Variants in DLC1 observed in about 807,000 individuals in gnomAD.
The protein encoded by DLC1 is DLC1 Rho GTPase activating protein, also known as rho GTPase-activating protein 7.
In DLC1, 54 loss-of-function variants were observed where a neutral mutation model predicts 140.3. The ratio of observed to expected loss-of-function variants is 0.38; its 90% confidence interval spans 0.31 to 0.48. The LOEUF (loss-of-function observed/expected upper bound fraction) is 0.48. Among genes scored for constraint, DLC1 ranks in the 20% least tolerant of loss-of-function variants. The pLI is 0.96. For missense variants in DLC1, 2,536 were observed against 1,907.0 expected (o/e 1.33, Z -6.14); for synonymous variants, 986 against 728.1 (o/e 1.35, Z -5.70).
chr8:13,383,801 AAT>A (rs1836381848), intron 4 of DLC1, among the ~76,000 whole-genome samples: 1 of 152,212 alleles, frequency 6.6e-6, no homozygotes, highest in African/African-American at 2.4e-5. Flanking sequence ...TTCGAACACC[AAT>A]ATTTCAGCCA....
chr8:13,521,540 G>C (rs980262756), intron 1 of DLC1, among the ~76,000 whole-genome samples: 1 of 152,120 alleles, frequency 6.6e-6, no homozygotes, highest in Non-Finnish European at 1.5e-5. Flanking sequence ...AGGTGCAACT[G>C]CCTGTCTTCA....
chr8:13,237,318 C>T (rs1296762454), intron 5 of DLC1, among the ~76,000 whole-genome samples: 1 of 145,448 alleles, frequency 6.9e-6, no homozygotes, highest in Non-Finnish European at 1.5e-5. Context: ...ACATATATAT[C>T]AGCTTCTGTG....
At chr8:13,562,619 A>G (rs551559099) in intron 1 of DLC1, among the ~76,000 whole-genome samples, 1 of 152,320 alleles carries the variant, frequency 6.6e-6, no homozygotes, top group African/African-American at 2.4e-5. Flanking sequence ...CATTGCTGGC[A>G]GAAATGTCAT....
intron 5 of DLC1, among the ~76,000 whole-genome samples, chr8:13,209,699 A>T (rs1481277516): frequency 6.6e-6 from 1 of 151,926 alleles, no homozygotes. Context: ...TTCTTATGAG[A>T]TCTGGCCGAT....
chr8:13,557,032 AG>A (rs754231891), intron 1 of DLC1, among the ~76,000 whole-genome samples: 2 of 152,140 alleles, frequency 1.3e-5, no homozygotes, highest in African/African-American at 2.4e-5. Flanking sequence ...ATGCATATTC[AG>A]GGGTCTGAAG....
chr8:13,437,402 T>A (rs182944771), intron 2 of DLC1, among the ~76,000 whole-genome samples: 59 of 152,358 alleles, frequency 3.9e-4, no homozygotes, highest in Middle Eastern at 3.4e-3. Context: ...TGAGCATCTT[T>A]CGAAAGTCAA....
intron 1 of DLC1, chr8:13,567,633 T>A: frequency 6.4e-7 from 1 of 1,551,670 alleles, no homozygotes; most frequent in East Asian, 2.4e-5. Flanking sequence ...TGTCTGCCTT[T>A]CTGAAACAAA....
chr8:13,385,461 T>C (rs964348457), intron 4 of DLC1, among the ~76,000 whole-genome samples: 5 of 152,164 alleles, frequency 3.3e-5, no homozygotes, highest in Admixed American at 2.6e-4. Flanking sequence ...CTAAGGAGTA[T>C]AGTTGATTGA....
chr8:13,436,621 C>T (rs1372736467), intron 2 of DLC1, among the ~76,000 whole-genome samples: 1 of 152,078 alleles, frequency 6.6e-6, no homozygotes, highest in Non-Finnish European at 1.5e-5. Context: ...AGCATTTTAA[C>T]ACACAGCAAC....
At chr8:13,342,038 G>T (rs1230030161) in intron 4 of DLC1, 4 of 152,130 alleles carry the variant, frequency 2.6e-5, no homozygotes, top group African/African-American at 9.7e-5. Flanking sequence ...GATACATTTG[G>T]CCAGTGTGAA....
chr8:13,439,940 A>G (rs1798415281), intron 2 of DLC1, among the ~76,000 whole-genome samples: 1 of 152,126 alleles, frequency 6.6e-6, no homozygotes, highest in Non-Finnish European at 1.5e-5. Context: ...GCTTATCCTT[A>G]GAGCATCTTC....
At chr8:13,348,541 A>T (rs987017265) in intron 4 of DLC1, among the ~76,000 whole-genome samples, 5 of 152,222 alleles carry the variant, frequency 3.3e-5, no homozygotes, top group African/African-American at 1.2e-4. Context: ...GCTAGAGTCC[A>T]TAAGAAAGAT....
intron 5 of DLC1, among the ~76,000 whole-genome samples, chr8:13,243,290 CAAAAAAAAAAAA>C (rs56092434): frequency 1.8e-5 from 1 of 54,338 alleles, no homozygotes; most frequent in African/African-American, 7.5e-5. Flanking sequence ...GACTCTGTCT[CAAAAAAAAAAAA>C]AAAAAAAAAA....
chr8:13,321,201 A>C (rs1292261507), intron 4 of DLC1, among the ~76,000 whole-genome samples: 1 of 152,238 alleles, frequency 6.6e-6, no homozygotes, highest in East Asian at 1.9e-4. Flanking sequence ...TGTGCTAAAC[A>C]GGGAAGTAGT....
rs1017335253 is a variant in DLC1 at position 13,450,057 on chromosome 8, T to G, written c.1024-48438A>C. 1.7e-4 allele frequency among the ~76,000 whole-genome samples: 26 copies of G among 152,212 alleles called. 1 individual carries two copies. In the South Asian group the frequency reaches 5.4e-3, roughly 32 times the overall value. ...AAAATTGCCAGTTTTTAGCTCCTTA[T>G]TTAGTAAAATAAATCATTTTACTAA... On this transcript the variant is annotated intron_variant, in intron 2 of 17. Transcript: ENST00000276297.
chr8:13,100,298 T>C lies in DLC1; in HGVS notation c.2039A>G (p.His680Arg). Residue 680 changes from histidine (H) to arginine (R), a missense_variant, in exon 9 of 18, where the codon CAT becomes CGT. Coordinates refer to ENST00000276297, the MANE Select transcript of DLC1 (RefSeq NM_182643.3). ...RMESLKLKSS[H>R]HSKHKAPSKL... ...TGAGGGCGCTTTGTGCTTGCTGTGA[T>C]GGGAGCTCTTGAGCTTCAGGCTCTC... 6.2e-7 allele frequency: 1 copy of C among 1,614,194 alleles called. No individual in the cohort carries two copies. Among genetic ancestry groups the C allele is most frequent in the Non-Finnish European group, 8.5e-7 (1 of 1,180,050 alleles).
intron 2 of DLC1, among the ~76,000 whole-genome samples, chr8:13,479,089 C>G (rs986453790): frequency 6.6e-6 from 1 of 152,138 alleles, no homozygotes; most frequent in African/African-American, 2.4e-5. Flanking sequence ...AGTTGGTTTA[C>G]TGTTTTATTT....
At chr8:13,521,377 C>T (rs73559530) in intron 1 of DLC1, among the ~76,000 whole-genome samples, 3,123 of 151,562 alleles carry the variant, frequency 0.021, 134 homozygotes, top group African/African-American at 0.071. Flanking sequence ...CAAACCTACA[C>T]ATTCTGCACA....
At chr8:13,214,622 C>A (rs12334371) in intron 5 of DLC1, 2 of 778,690 alleles carry the variant, frequency 2.6e-6, no homozygotes, top group Non-Finnish European at 4.8e-6. Context: ...AGGCACACAC[C>A]GGCCTAGGTG....
Sources: gnomAD v4.1 joint callset for allele counts (sites outside exome capture counted in the v4.1 genomes callset) on GRCh38, gnomAD v4.1.1 for gene constraint, MANE v1.5 for transcripts, NCBI Gene and HGNC (gene_info 2026-07-23, HGNC 2026-07-21) for gene names.